The following KAZN variants were observed in gnomAD, a reference collection of about 807,000 sequenced individuals.
KAZN encodes the protein kazrin, periplakin interacting protein, also known as kazrin.
KAZN carries 40 observed loss-of-function variants against 87.4 expected under a neutral mutation model. The observed-to-expected ratio is 0.46, with a 90% CI of 0.36 to 0.60. The LOEUF is 0.60. Among genes scored for constraint, KAZN ranks in the 20% least tolerant of loss-of-function variants. KAZN has a pLI of 0.00. For synonymous variants in KAZN, 466 were observed against 458.3 expected, an observed-to-expected ratio of 1.02 and a Z score of -0.22; for missense variants, 898 against 1,073.9, an observed-to-expected ratio of 0.84 and a Z score of 2.29.
At chr1:14,024,459 C>T (rs1049627097) in intron 1 of KAZN, among the ~76,000 whole-genome samples, 2 of 152,220 alleles carry the variant, frequency 1.3e-5, no homozygotes, top group African/African-American at 4.8e-5. Flanking sequence ...AGTCAGGCTA[C>T]TGTTTCTTTT....
chr1:14,354,422 G>C (rs115648527), intron 2 of KAZN, among the ~76,000 whole-genome samples: 1 of 151,924 alleles, frequency 6.6e-6, no homozygotes, highest in Non-Finnish European at 1.5e-5. Context: ...ATCCAACAAA[G>C]AATTTGTATT....
chr1:15,114,655 G>T lies in KAZN; in HGVS notation c.*20G>T. 6.4e-7 allele frequency: 1 copy of T among 1,564,688 alleles called. No homozygotes were observed. The highest frequency in any genetic ancestry group is 1.2e-5 in the South Asian group (1 of 84,834). ...GTGTAAGGAACTGGTGGCTCCACCA[G>T]ACCCAACGTGAGAGACCCAGGAAGG... On this transcript the variant is annotated 3_prime_UTR_variant, in exon 15 of 15. Coordinates refer to ENST00000376030, the MANE Select transcript of KAZN (RefSeq NM_201628.3).
intron 1 of KAZN, among the ~76,000 whole-genome samples, chr1:14,703,907 G>T (rs1231380010): frequency 6.6e-6 from 1 of 152,128 alleles, no homozygotes; most frequent in African/African-American, 2.4e-5. Context: ...AAATAAAAAA[G>T]AATAGATTGA....
chr1:14,541,172 G>C (rs910653234), intron 2 of KAZN, among the ~76,000 whole-genome samples: 1 of 152,124 alleles, frequency 6.6e-6, no homozygotes, highest in South Asian at 2.1e-4. Flanking sequence ...TCTGTCAACC[G>C]ATCTCACGGA....
chr1:14,878,309 G>GC (rs1038343096), intron 1 of KAZN, among the ~76,000 whole-genome samples: 4 of 150,412 alleles, frequency 2.7e-5, no homozygotes, highest in African/African-American at 9.7e-5. Flanking sequence ...CAGTTCTTTG[G>GC]GGGGGTGGCT....
chr1:15,103,979 G>C (rs1470260773), intron 12 of KAZN, 44 bp from the exon 13 acceptor site: 4 of 1,590,152 alleles, frequency 2.5e-6, no homozygotes. Context: ...TAGGCCAGCA[G>C]CATGGCCCCT....
chr1:13,938,607 C>G (rs1640826004), intron 1 of KAZN, among the ~76,000 whole-genome samples: 1 of 152,180 alleles, frequency 6.6e-6, no homozygotes, highest in African/African-American at 2.4e-5. Context: ...GGGTGGAACC[C>G]TCACAGATAA....
intron 1 of KAZN, among the ~76,000 whole-genome samples, chr1:14,058,642 G>A (rs1642672465): frequency 6.6e-6 from 1 of 152,116 alleles, no homozygotes; most frequent in African/African-American, 2.4e-5. Flanking sequence ...AATAGTTCAG[G>A]AACTACTTAG....
chr1:14,057,225 C>T (rs1642611540), intron 1 of KAZN, among the ~76,000 whole-genome samples: 1 of 151,204 alleles, frequency 6.6e-6, no homozygotes, highest in African/African-American at 2.4e-5. Flanking sequence ...ATCTCTGGCT[C>T]CCAGGTTCAA....
At chr1:14,345,521 T>C (rs186178898) in intron 2 of KAZN, among the ~76,000 whole-genome samples, 92 of 152,306 alleles carry the variant, frequency 6.0e-4, no homozygotes, top group African/African-American at 2.1e-3. Flanking sequence ...CTCAGAATCA[T>C]TGAGATATAT....
At chr1:14,018,168 G>T (rs1484151650) in intron 1 of KAZN, among the ~76,000 whole-genome samples, 1 of 152,182 alleles carries the variant, frequency 6.6e-6, no homozygotes, top group Non-Finnish European at 1.5e-5. Context: ...AATGAACTCA[G>T]AGTAAAACAA....
chr1:14,027,477 C>T (rs539725524), intron 1 of KAZN, among the ~76,000 whole-genome samples: 73 of 152,166 alleles, frequency 4.8e-4, no homozygotes, highest in Non-Finnish European at 8.5e-4. Flanking sequence ...AGTTGCATGC[C>T]GGCTTCTGCC....
rs189796534 is a variant in KAZN, at chr1:14,475,164, T to G, written c.250-123819T>G. 1.4e-3 allele frequency among the ~76,000 whole-genome samples: 217 copies of G among 152,028 alleles called. 1 individual carries two copies. Among genetic ancestry groups the G allele is most frequent in the Middle Eastern group, 6.8e-3 (2 of 294 alleles). ...ATGGATGGATGGATGGATGGATGGA[T>G]AGTGGAAAGATAGACAAAGGAAAGA... On this transcript the variant is annotated intron_variant, in intron 2 of 16. Coordinates refer to the KAZN transcript ENST00000636203.
In KAZN at chr1:14,283,565, G is replaced by T. The variant is rs192649799; in HGVS notation, c.249+102973G>T. On this transcript the variant is annotated intron_variant, in intron 2 of 16. Transcript: ENST00000636203. ...ATACCACTTCACACTCACTAGGATGGTTATGATTTAAAAATTAGGTAATAG... is the reference window on the plus strand; with the variant it reads ...ATACCACTTCACACTCACTAGGATGTTTATGATTTAAAAATTAGGTAATAG... Among the ~76,000 whole-genome samples the T allele has an allele frequency of 2.3e-3, 356 of 152,336 alleles. 4 individuals carry two copies. Among genetic ancestry groups the T allele is most frequent in the African/African-American group, 8.1e-3 (338 of 41,586 alleles).
intron 1 of KAZN, among the ~76,000 whole-genome samples, chr1:14,719,710 A>G (rs1011895350): frequency 4.6e-5 from 7 of 152,146 alleles, no homozygotes; most frequent in African/African-American, 1.7e-4. Context: ...GTGGTGGCAC[A>G]CACCTGTAAT....
chr1:13,915,231 C>T (rs1227100509), intron 1 of KAZN, among the ~76,000 whole-genome samples: 19 of 152,068 alleles, frequency 1.2e-4, no homozygotes. Flanking sequence ...TATGGCGAAA[C>T]CAAAAAAATC....
intron 2 of KAZN, among the ~76,000 whole-genome samples, chr1:14,538,277 G>A (rs1158275896): frequency 1.3e-5 from 2 of 152,182 alleles, no homozygotes; most frequent in African/African-American, 2.4e-5. Flanking sequence ...AACATATCAT[G>A]AAATTGTATG....
intron 1 of KAZN, among the ~76,000 whole-genome samples, chr1:14,131,663 G>GA (rs1161009215): frequency 5.9e-5 from 9 of 152,050 alleles, no homozygotes; most frequent in Non-Finnish European, 8.8e-5. Context: ...AAGTGGAGTA[G>GA]AAAAAATCCC....
intron 1 of KAZN, among the ~76,000 whole-genome samples, chr1:13,997,530 C>T (rs1225955287): frequency 6.6e-6 from 1 of 151,734 alleles, no homozygotes; most frequent in Admixed American, 6.6e-5. Context: ...CATAAATGAC[C>T]TAATGGAGCT....
Sources: allele counts gnomAD v4.1 joint callset (sites outside exome capture counted in the v4.1 genomes callset), GRCh38; gene constraint gnomAD v4.1.1; transcripts MANE v1.5; gene names NCBI Gene and HGNC (gene_info 2026-07-23, HGNC 2026-07-21).